Variants in SIRPA observed in about 807,000 individuals in gnomAD.
SIRPA encodes tyrosine-protein phosphatase non-receptor type substrate 1.
A neutral mutation model predicts 50.3 loss-of-function variants in SIRPA; 9 were observed. That is an observed-to-expected ratio of 0.18 (90% CI 0.11 to 0.31). SIRPA has a LOEUF of 0.31. SIRPA is among the 10% of genes least tolerant of loss of function. SIRPA has a pLI of 1.00. For missense variants in SIRPA, 474 were observed against 661.6 expected (o/e 0.72, Z 3.11); for synonymous variants, 265 against 284.1 (o/e 0.93, Z 0.68).
At chr20:1,902,322 A>T (rs1443398263) in intron 1 of SIRPA, among the ~76,000 whole-genome samples, 2 of 152,060 alleles carry the variant, frequency 1.3e-5, no homozygotes, top group Admixed American at 1.3e-4. Context: ...TCCCCACTTT[A>T]CAGATAAGGC....
upstream of SIRPA, among the ~76,000 whole-genome samples, chr20:1,895,141 G>C (rs184251612): frequency 6.6e-6 from 1 of 151,324 alleles, no homozygotes; most frequent in African/African-American, 2.4e-5. Context: ...CTGGCTCTCT[G>C]CCTGGCTCCC....
At chr20:1,916,039 C>T (rs1346811230) in intron 2 of SIRPA, among the ~76,000 whole-genome samples, 2 of 152,180 alleles carry the variant, frequency 1.3e-5, no homozygotes, top group Non-Finnish European at 2.9e-5. Flanking sequence ...GAGGAGAAGC[C>T]AGAGGGTTGG....
At position 1,932,194 on chromosome 20, in the gene SIRPA, G is replaced by A. The variant is rs1568513842; in HGVS notation, c.1227-2521G>A. ...CCTCCCTGTGTGAAGCTCAGTGTCC[G>A]CTGAGGAGACAGGTTACCAGACAAG... On this transcript the variant is annotated intron_variant, in intron 6 of 7. Transcript: ENST00000358771. The surrounding 1 kb of genome is among the most constrained non-coding windows in gnomAD (Gnocchi z 6.0). 2.0e-5 allele frequency among the ~76,000 whole-genome samples: 3 copies of A among 152,188 alleles called. No individual in the cohort carries two copies. The highest frequency in any genetic ancestry group is 1.9e-4 in the East Asian group (1 of 5,200).
At chr20:1,925,441 C>G (rs1225480687) in intron 5 of SIRPA, among the ~76,000 whole-genome samples, 1 of 152,192 alleles carries the variant, frequency 6.6e-6, no homozygotes, top group East Asian at 1.9e-4. Flanking sequence ...AGCCACCTCC[C>G]TAGAAAGCCC....
At position 1,937,186 on chromosome 20, in the gene SIRPA, C is replaced by T; in HGVS notation, c.1267-134C>T. On this transcript the variant is annotated intron_variant, in intron 7 of 7. Transcript: ENST00000358771. This position sits in a 1 kb window ranked among gnomAD's most constrained non-coding sequence, Gnocchi z 8.3. ...TAACGTTGGCAAGAGATGAGGGGAA[C>T]ATGACTTATGGCTGAGCCAGTGTGG... The T allele has an allele frequency of 9.3e-7, 1 of 1,078,896 alleles. No individual in the cohort carries two copies. The highest frequency in any genetic ancestry group is 1.3e-6 in the Non-Finnish European group (1 of 749,032). The allele number at this position is 1,078,896 out of a possible 1,614,324, so 66.8% of individuals were successfully genotyped here. A position where few individuals can be genotyped will look rare whatever the true frequency, so the allele number is the denominator to read the frequency against.
rs957457626 is a variant in SIRPA, at chr20:1,915,514, C to A, written c.436+59C>A. 2.5e-6 allele frequency: 4 copies of A among 1,572,884 alleles called. No homozygotes were observed. In the African/African-American group the frequency reaches 4.0e-5, roughly 16 times the overall value. On this transcript the variant is annotated intron_variant, in intron 2 of 7. Transcript: ENST00000358771. ...TTGTGACAGTAACTCAATAATAACA[C>A]CCTCCATTCTTTGAGCAATGATCAG...
chr20:1,912,936 C>T (rs1403768786), intron 1 of SIRPA, among the ~76,000 whole-genome samples: 1 of 152,210 alleles, frequency 6.6e-6, no homozygotes, highest in African/African-American at 2.4e-5. Context: ...CTGGATGGGC[C>T]TCCCGGGCCT....
intron 1 of SIRPA, among the ~76,000 whole-genome samples, chr20:1,899,661 G>T (rs866549927): frequency 3.9e-5 from 6 of 152,064 alleles, no homozygotes; most frequent in Admixed American, 6.5e-5. Context: ...TCAATTTAAT[G>T]TGCCTCCTGG....
At chr20:1,900,809 T>G (rs1436958278) in intron 1 of SIRPA, among the ~76,000 whole-genome samples, 1 of 152,228 alleles carries the variant, frequency 6.6e-6, no homozygotes. Flanking sequence ...GTAATACTAA[T>G]AGGAACCATC....
chr20:1,913,773 C>T (rs1351485216), intron 1 of SIRPA, among the ~76,000 whole-genome samples: 1 of 152,140 alleles, frequency 6.6e-6, no homozygotes. Context: ...TGTTCAGAAT[C>T]GAGGCCCTGG....
intron 1 of SIRPA, among the ~76,000 whole-genome samples, chr20:1,896,291 C>G (rs892167605): frequency 6.6e-6 from 1 of 152,222 alleles, no homozygotes; most frequent in Non-Finnish European, 1.5e-5. Context: ...GTGGCTCTGA[C>G]CATGTCTTTC....
Position 1,915,343 on chromosome 20 carries a change from C to T in SIRPA, c.324C>T (p.Ile108=), listed in dbSNP as rs559385877. The part of the protein sequence containing the change: ...KRNNMDFSIR[I]GNITPADAGT... Reference sequence around the variant, plus strand: ...ACAACATGGACTTTTCCATCCGCATCGGTAACATCACCCCAGCAGATGCCG... The same window carrying T: ...ACAACATGGACTTTTCCATCCGCATTGGTAACATCACCCCAGCAGATGCCG... The change falls in exon 2 of 8, where the codon ATC becomes ATT. Residue 108 remains isoleucine, a synonymous_variant. Transcript: ENST00000358771. 9.3e-6 allele frequency: 15 copies of T among 1,612,856 alleles called. No individual in the cohort carries two copies. In the African/African-American group the frequency reaches 1.1e-4, roughly 11 times the overall value.
At chr20:1,923,263 C>T (rs1430113151) in intron 4 of SIRPA, among the ~76,000 whole-genome samples, 2 of 152,236 alleles carry the variant, frequency 1.3e-5, no homozygotes, top group East Asian at 3.8e-4. Context: ...TTTCTCAGCC[C>T]TTGCAACGTG....
In SIRPA at chr20:1,937,623, G is replaced by T; in HGVS notation, c.*55G>T. Reference sequence around the variant, plus strand: ...CTCTACGCGCTTTCTTGTCCCACAGGGAGCCGCCGTGATGAGCACAGCCAA... The same window carrying T: ...CTCTACGCGCTTTCTTGTCCCACAGTGAGCCGCCGTGATGAGCACAGCCAA... On this transcript the variant is annotated 3_prime_UTR_variant, in exon 8 of 8. Coordinates refer to ENST00000358771, the MANE Select transcript of SIRPA (RefSeq NM_001040023.2). This position sits in a 1 kb window ranked among gnomAD's most constrained non-coding sequence, Gnocchi z 8.3. 1 of 1,588,040 alleles carries T rather than the reference G, an allele frequency of 6.3e-7. No homozygotes were observed. Among genetic ancestry groups the T allele is most frequent in the Non-Finnish European group, 8.6e-7 (1 of 1,164,740 alleles).
In SIRPA at chr20:1,931,716, G is replaced by A. The variant is rs538186336; in HGVS notation, c.1227-2999G>A. Among the ~76,000 whole-genome samples, 8 of 152,208 alleles carry A rather than the reference G, an allele frequency of 5.3e-5. No individual in the cohort carries two copies. The South Asian group carries it at 6.2e-4, about 12-fold the overall frequency. ...GGAGGCTGCCACTTTGAGCTCAAGGGGTTCTTCAGGTTGCAGGGCTGGTGG... is the reference window on the plus strand; with the variant it reads ...GGAGGCTGCCACTTTGAGCTCAAGGAGTTCTTCAGGTTGCAGGGCTGGTGG... On this transcript the variant is annotated intron_variant, in intron 6 of 7. Transcript: ENST00000358771.
At position 1,914,721 on chromosome 20, in the gene SIRPA, C is replaced by T. The variant is rs111780425; in HGVS notation, c.80-378C>T. Among the ~76,000 whole-genome samples the T allele has an allele frequency of 3.8e-3, 579 of 151,536 alleles. 3 individuals are homozygous for T. The highest frequency in any genetic ancestry group is 0.013 in the African/African-American group (554 of 41,260). ...AGAAACAGAATCTTAACACCTTGTA[C>T]AGCCCCAGATATGCCAGGCCCCTAC... On this transcript the variant is annotated intron_variant, in intron 1 of 7. Transcript: ENST00000358771.
At chr20:1,901,982 C>T (rs899049935) in intron 1 of SIRPA, among the ~76,000 whole-genome samples, 2 of 152,108 alleles carry the variant, frequency 1.3e-5, no homozygotes, top group Admixed American at 6.5e-5. Context: ...AATGGAAGCC[C>T]GTGGTGGAAG....
At position 1,898,933 on chromosome 20, in the gene SIRPA, C is replaced by T. The variant is rs1600387929; in HGVS notation, c.79+3407C>T. 6.6e-6 allele frequency among the ~76,000 whole-genome samples: 1 copy of T among 152,172 alleles called. No homozygotes were observed. Among genetic ancestry groups the T allele is most frequent in the East Asian group, 1.9e-4 (1 of 5,142 alleles). On this transcript the variant is annotated intron_variant, in intron 1 of 7. Coordinates refer to ENST00000358771, the MANE Select transcript of SIRPA (RefSeq NM_001040023.2). The surrounding 1 kb of genome is among the most constrained non-coding windows in gnomAD (Gnocchi z 4.3). ...AGCCCCCAGAGCTGGAATATTCCTC[C>T]CTGCATCTTCCTGGTGCCCTTTGCG...
At chr20:1,899,342 G>A (rs568450574) in intron 1 of SIRPA, among the ~76,000 whole-genome samples, 1 of 152,270 alleles carries the variant, frequency 6.6e-6, no homozygotes, top group South Asian at 2.1e-4. Context: ...CCTCCCTGCA[G>A]ACCAGAGCTT....
Sources: gnomAD v4.1 joint callset for allele counts (sites outside exome capture counted in the v4.1 genomes callset) on GRCh38, gnomAD v4.1.1 for gene constraint, Gnocchi (gnomAD v3.1) non-coding constraint, MANE v1.5 for transcripts, NCBI Gene and HGNC (gene_info 2026-07-23, HGNC 2026-07-21) for gene names.